Variants in THAP12 observed in about 807,000 individuals in gnomAD.
THAP12 encodes the protein 52 kDa repressor of the inhibitor of the protein kinase.
THAP12 carries 20 observed loss-of-function variants against 63.0 expected under a neutral mutation model. That is an observed-to-expected ratio of 0.32 (90% confidence interval 0.22 to 0.46). The LOEUF (loss-of-function observed/expected upper bound fraction) is 0.46. THAP12 is among the 20% of genes least tolerant of loss of function. THAP12 has a pLI of 1.00. For missense variants in THAP12, 568 were observed against 908.2 expected, an observed-to-expected ratio of 0.63 and a Z score of 4.81; for synonymous variants, 264 against 328.4, an observed-to-expected ratio of 0.80 and a Z score of 2.12.
At chr11:76,363,691 C>T (rs186406344) in intron 2 of THAP12, among the ~76,000 whole-genome samples, 10 of 152,282 alleles carry the variant, frequency 6.6e-5, no homozygotes, top group African/African-American at 1.9e-4. Flanking sequence ...TTGGTTCAAG[C>T]GATTCTCCTG....
rs1024479586 is a variant in THAP12 at position 76,369,578 on chromosome 11, T to C, written c.90-3606A>G. Among the ~76,000 whole-genome samples the C allele has an allele frequency of 3.3e-5, 5 of 152,252 alleles. No homozygotes were observed. In the South Asian group the frequency reaches 1.0e-3, roughly 32 times the overall value. ...AACAGTTCCATACACAGAAATAAAA[T>C]TTTTCCTAACTGATAATGCAGCTCA... On this transcript the variant is annotated intron_variant, in intron 1 of 4. Coordinates refer to ENST00000260045, the MANE Select transcript of THAP12 (RefSeq NM_004705.4).
intron 2 of THAP12, 131 bp downstream of exon 2, chr11:76,365,721 T>G: frequency 8.3e-7 from 1 of 1,199,934 alleles, no homozygotes; most frequent in Non-Finnish European, 1.1e-6. Flanking sequence ...GCTCCAAATC[T>G]GTCTTCATCT....
chr11:76,355,153 G>A (rs1013596412), intron 4 of THAP12, among the ~76,000 whole-genome samples: 5 of 152,236 alleles, frequency 3.3e-5, no homozygotes, highest in African/African-American at 9.6e-5. Context: ...GTCCTTTGGT[G>A]ACATAATTCG....
chr11:76,371,386 C>T (rs1297863880), intron 1 of THAP12, among the ~76,000 whole-genome samples: 9 of 152,134 alleles, frequency 5.9e-5, no homozygotes, highest in East Asian at 3.8e-4. Flanking sequence ...CAGATCTTAG[C>T]GCAAATGTCA....
At chr11:76,372,860 C>G (rs1036737619) in intron 1 of THAP12, among the ~76,000 whole-genome samples, 3 of 151,820 alleles carry the variant, frequency 2.0e-5, no homozygotes, top group Non-Finnish European at 4.4e-5. Context: ...GCACTCCAGC[C>G]TGGGTGACAG....
At position 76,370,511 on chromosome 11, in the gene THAP12, C is replaced by G. The variant is rs1212532100; in HGVS notation, c.90-4539G>C. Among the ~76,000 whole-genome samples, 3 of 152,000 alleles carry G rather than the reference C, an allele frequency of 2.0e-5. No individual in the cohort carries two copies. In the East Asian group the frequency reaches 5.8e-4, roughly 30 times the overall value. On this transcript the variant is annotated intron_variant, in intron 1 of 4. Coordinates refer to ENST00000260045, the MANE Select transcript of THAP12 (RefSeq NM_004705.4). Reference sequence around the variant, plus strand: ...CCATGTAGCTGGGACTACAGGCACACGCCACCATGCCTGGCTAACTTTTTG... The same window carrying G: ...CCATGTAGCTGGGACTACAGGCACAGGCCACCATGCCTGGCTAACTTTTTG...
At chr11:76,353,980 G>C (rs988111379) in intron 4 of THAP12, among the ~76,000 whole-genome samples, 3 of 152,244 alleles carry the variant, frequency 2.0e-5, no homozygotes, top group African/African-American at 7.2e-5. Flanking sequence ...CTGCACTCCA[G>C]CCTGGGCAAC....
rs756509569 is a variant in THAP12, at chr11:76,351,176, A to G, written c.1974T>C (p.Leu658=). 14 of 1,587,844 alleles carry G rather than the reference A, an allele frequency of 8.8e-6. No homozygotes were observed. Among genetic ancestry groups the G allele is most frequent in the Non-Finnish European group, 8.6e-6 (10 of 1,168,278 alleles). The change falls in exon 5 of 5, where the codon CTT becomes CTC. Residue 658 remains leucine, a synonymous_variant. Transcript: ENST00000260045. The part of the protein sequence containing the change: ...KWKHRGKDIE[L]PSTIYEALHL... ...GGAGGGCTTCATAGATGGTGGACGG[A>G]AGCTCTATATCTTTCCCCCTGTGTT...
chr11:76,352,438 T>C lies in THAP12; in HGVS notation c.712A>G (p.Met238Val). 6.2e-7 allele frequency: 1 copy of C among 1,611,938 alleles called. No homozygotes were observed. The highest frequency in any genetic ancestry group is 8.5e-7 in the Non-Finnish European group (1 of 1,179,780). ...LFCSKTQQRQ[M>V]LEICESCIRE... ...ATACAGCTCTCACAGATCTCTAGCA[T>C]CTGCCTCTGCTGTGTTTTTGAACAA... Residue 238 changes from methionine (M) to valine (V), a missense_variant, in exon 5 of 5, where the codon ATG (methionine) becomes GTG (valine). By Grantham distance (21) the Met-to-Val change is conservative (BLOSUM62 1). Coordinates refer to ENST00000260045, the MANE Select transcript of THAP12 (RefSeq NM_004705.4).
intron 1 of THAP12, among the ~76,000 whole-genome samples, chr11:76,376,104 TA>T (rs1946708054): frequency 6.6e-6 from 1 of 152,136 alleles, no homozygotes; most frequent in Admixed American, 6.6e-5. Context: ...TTGTTTGGGA[TA>T]AATGAAAAAG....
chr11:76,367,081 CT>C (rs544146351), intron 1 of THAP12, among the ~76,000 whole-genome samples: 111 of 145,352 alleles, frequency 7.6e-4, no homozygotes, highest in Admixed American at 7.5e-4. Flanking sequence ...CTTTTCTTTT[CT>C]TTTTTTTTTT....
At chr11:76,371,827 T>C (rs1275951242) in intron 1 of THAP12, among the ~76,000 whole-genome samples, 1 of 148,110 alleles carries the variant, frequency 6.8e-6, no homozygotes, top group Admixed American at 6.7e-5. Context: ...TTTTTTTTTT[T>C]TTTTGGTGGA....
At chr11:76,368,125 C>G (rs1296574972) in intron 1 of THAP12, among the ~76,000 whole-genome samples, 1 of 152,264 alleles carries the variant, frequency 6.6e-6, no homozygotes, top group African/African-American at 2.4e-5. Flanking sequence ...CAATACTGTA[C>G]ATATTACCTC....
chr11:76,367,705 G>A (rs997527655), intron 1 of THAP12, among the ~76,000 whole-genome samples: 5 of 152,282 alleles, frequency 3.3e-5, no homozygotes, highest in African/African-American at 7.2e-5. Flanking sequence ...TTACAGGCGC[G>A]AGCCACTGCG....
intron 3 of THAP12, 69 bp from the exon 4 acceptor site, chr11:76,355,723 T>TA (rs1946557056): frequency 7.7e-7 from 1 of 1,300,766 alleles, no homozygotes; most frequent in Non-Finnish European, 1.0e-6. Flanking sequence ...TGTATCATCT[T>TA]AGACTCACAA....
intron 1 of THAP12, among the ~76,000 whole-genome samples, chr11:76,379,927 G>A (rs745999307): frequency 6.6e-6 from 1 of 152,090 alleles, no homozygotes; most frequent in African/African-American, 2.4e-5. Context: ...TCCCTTACTG[G>A]ACTGAGAGCT....
intron 1 of THAP12, 62 bp downstream of exon 1, chr11:76,380,686 G>C (rs1038118308): frequency 4.8e-6 from 6 of 1,247,920 alleles, no homozygotes; most frequent in Non-Finnish European, 1.0e-6. Context: ...CCAGGGGCCG[G>C]CGGCTGGCAG....
chr11:76,373,282 G>A (rs1467419904), intron 1 of THAP12, among the ~76,000 whole-genome samples: 4 of 150,336 alleles, frequency 2.7e-5, no homozygotes, highest in East Asian at 2.0e-4. Flanking sequence ...GGAGGCAGAG[G>A]TTGCAATGAC....
At chr11:76,371,851 C>T (rs1322238746) in intron 1 of THAP12, among the ~76,000 whole-genome samples, 1 of 123,134 alleles carries the variant, frequency 8.1e-6, no homozygotes, top group Non-Finnish European at 1.6e-5. Flanking sequence ...TTGCTCTTGT[C>T]GCTCAGGCTG....
Sources: allele counts gnomAD v4.1 joint callset (sites outside exome capture counted in the v4.1 genomes callset), GRCh38; gene constraint gnomAD v4.1.1; transcripts MANE v1.5; gene names NCBI Gene and HGNC (gene_info 2026-07-23, HGNC 2026-07-21).